ALG14: variants seen among roughly 807,000 people sequenced by gnomAD.
ALG14 encodes the protein ALG14 UDP-N-acetylglucosaminyltransferase subunit.
Under a neutral mutation model 22.8 loss-of-function variants are expected in ALG14, and 17 were observed. That is an observed-to-expected ratio of 0.75 (90% confidence interval 0.51 to 1.12). ALG14 has a LOEUF of 1.12. Among genes scored for constraint, ALG14 ranks in the 50% most tolerant of loss-of-function variants. The pLI is 0.00. For synonymous variants in ALG14, 89 were observed against 103.7 expected, an observed-to-expected ratio of 0.86 and a Z score of 0.86; for missense variants, 288 against 271.8, an observed-to-expected ratio of 1.06 and a Z score of -0.42.
intron 3 of ALG14, among the ~76,000 whole-genome samples, chr1:95,008,361 C>A (rs1473692957): frequency 6.6e-6 from 1 of 152,144 alleles, no homozygotes; most frequent in Non-Finnish European, 1.5e-5. Flanking sequence ...TCCAAGCCAA[C>A]AGGGTAAAAT....
chr1:95,071,336 G>A (rs1314511522), intron 1 of ALG14, among the ~76,000 whole-genome samples: 1 of 152,156 alleles, frequency 6.6e-6, no homozygotes, highest in African/African-American at 2.4e-5. Context: ...CTTGAGGTCG[G>A]AAGTTCAAGA....
intron 2 of ALG14, among the ~76,000 whole-genome samples, chr1:95,036,386 C>A (rs1228570813): frequency 1.3e-5 from 2 of 151,826 alleles, no homozygotes; most frequent in African/African-American, 4.8e-5. Context: ...TGAGGCCTCC[C>A]CAGCCATGTG....
At chr1:95,065,566 T>G (rs1322250010) in intron 1 of ALG14, among the ~76,000 whole-genome samples, 2 of 152,012 alleles carry the variant, frequency 1.3e-5, no homozygotes, top group Admixed American at 6.5e-5. Flanking sequence ...GTGATAGCAA[T>G]ACTGGGAAGA....
intron 2 of ALG14, among the ~76,000 whole-genome samples, chr1:95,045,993 T>A (rs1557972719): frequency 3.2e-5 from 3 of 95,072 alleles, no homozygotes; most frequent in African/African-American, 9.3e-5. Context: ...ATTAGTATTA[T>A]ATTATTATAC....
intron 1 of ALG14, among the ~76,000 whole-genome samples, chr1:95,065,394 G>A (rs1675322467): frequency 1.3e-5 from 2 of 152,068 alleles, no homozygotes; most frequent in South Asian, 4.1e-4. Flanking sequence ...TAAGCAAATG[G>A]TTATGAAAAA....
chr1:95,012,607 T>C (rs955113897), intron 3 of ALG14, among the ~76,000 whole-genome samples: 1 of 152,208 alleles, frequency 6.6e-6, no homozygotes, highest in Non-Finnish European at 1.5e-5. Context: ...TTTAGTCATA[T>C]ACCCTATCAC....
chr1:95,061,396 C>T (rs974790771), intron 2 of ALG14, among the ~76,000 whole-genome samples: 9 of 152,124 alleles, frequency 5.9e-5, no homozygotes, highest in East Asian at 5.8e-4. Context: ...TCTTGTTTGA[C>T]GTGGATTTTT....
intron 2 of ALG14, among the ~76,000 whole-genome samples, chr1:95,053,290 CATTAT>C (rs2100817811): frequency 6.6e-6 from 1 of 151,762 alleles, no homozygotes; most frequent in South Asian, 2.1e-4. Flanking sequence ...TTAAAAAAAG[CATTAT>C]TAGGGATAAA....
chr1:95,014,075 A>C (rs1411078442), intron 3 of ALG14, among the ~76,000 whole-genome samples: 1 of 152,206 alleles, frequency 6.6e-6, no homozygotes, highest in Non-Finnish European at 1.5e-5. Context: ...AGAAATACAA[A>C]TTAGCTGATT....
At chr1:95,006,596 T>G (rs569354828) in intron 3 of ALG14, among the ~76,000 whole-genome samples, 17 of 152,260 alleles carry the variant, frequency 1.1e-4, no homozygotes, top group East Asian at 5.8e-4. Context: ...TATCCTCCGT[T>G]AGAATAACTC....
chr1:95,014,590 A>G (rs1673452073), intron 3 of ALG14, among the ~76,000 whole-genome samples: 1 of 152,218 alleles, frequency 6.6e-6, no homozygotes, highest in African/African-American at 2.4e-5. Flanking sequence ...CTCAGCTCAC[A>G]GCAGTTACTC....
In ALG14 at chr1:94,980,348, G is replaced by C. The variant is rs908761105; in HGVS notation, c.*2728C>G. The C allele has an allele frequency of 6.6e-6, 1 of 152,118 alleles. No homozygotes were observed. The highest frequency in any genetic ancestry group is 1.5e-5 in the Non-Finnish European group (1 of 68,008). 9.4% of individuals were successfully genotyped at this position (152,118 alleles called of 1,614,324 possible). A position where few individuals can be genotyped will look rare whatever the true frequency, so the allele number is the denominator to read the frequency against. ...TGAAACAGTTAGACATTCTGACCTG[G>C]CAAGCTACTGAGACCTTTTAGGATA... On this transcript the variant is annotated 3_prime_UTR_variant, in exon 4 of 4. Coordinates refer to ENST00000370205, the MANE Select transcript of ALG14 (RefSeq NM_144988.4).
chr1:95,041,780 T>C (rs1674388744), intron 2 of ALG14, among the ~76,000 whole-genome samples: 1 of 152,062 alleles, frequency 6.6e-6, no homozygotes, highest in Non-Finnish European at 1.5e-5. Flanking sequence ...TGGAAAACAG[T>C]AGGTGGTGTT....
At chr1:95,010,529 A>G (rs920928831) in intron 3 of ALG14, among the ~76,000 whole-genome samples, 2 of 152,242 alleles carry the variant, frequency 1.3e-5, no homozygotes, top group African/African-American at 4.8e-5. Context: ...AGCCATCTTT[A>G]TCATTGATAT....
rs374040999 is a variant in ALG14 at position 95,033,420 on chromosome 1, T to TACAC, written c.289-6164_289-6161dup. ...ATACATACATATATATATATATATA[T>TACAC]ACACACACACACACACACACACACA... On this transcript the variant is annotated intron_variant, in intron 2 of 3. Transcript: ENST00000370205. 2.5e-3 allele frequency among the ~76,000 whole-genome samples: 353 copies of TACAC among 139,664 alleles called. 5 individuals are homozygous for TACAC. The South Asian group carries it at 0.033, about 13-fold the overall frequency. 91.6% of individuals were successfully genotyped at this position (139,664 alleles called of 152,430 possible).
chr1:95,006,171 T>C (rs373215353), intron 3 of ALG14, among the ~76,000 whole-genome samples: 135 of 152,350 alleles, frequency 8.9e-4, no homozygotes, highest in Non-Finnish European at 1.7e-3. Context: ...GTCCTACTCA[T>C]GGTAATTCTA....
intron 3 of ALG14, among the ~76,000 whole-genome samples, chr1:94,990,903 A>G (rs932086378): frequency 6.6e-6 from 1 of 152,278 alleles, no homozygotes; most frequent in African/African-American, 2.4e-5. Flanking sequence ...CCAGTTGATA[A>G]GTTCCCTCTA....
intron 3 of ALG14, 34 bp from the exon 4 acceptor site, chr1:94,983,340 C>T: frequency 1.3e-6 from 2 of 1,572,866 alleles, no homozygotes; most frequent in African/African-American, 1.4e-5. Context: ...AATGAAAATA[C>T]AGAATAATAA....
chr1:95,005,488 C>A (rs1673192258), intron 3 of ALG14, among the ~76,000 whole-genome samples: 1 of 148,168 alleles, frequency 6.7e-6, no homozygotes, highest in Non-Finnish European at 1.5e-5. Flanking sequence ...AATGTTATAT[C>A]ATTTAGGCCT....
Sources: allele counts gnomAD v4.1 joint callset (sites outside exome capture counted in the v4.1 genomes callset), GRCh38; gene constraint gnomAD v4.1.1; transcripts MANE v1.5; gene names NCBI Gene and HGNC (gene_info 2026-07-23, HGNC 2026-07-21).